The following DLG3 variants were observed in gnomAD, a reference collection of about 807,000 sequenced individuals.
The protein encoded by DLG3 is disks large homolog 3.
DLG3 carries 1 observed loss-of-function variant against 64.1 expected under a neutral mutation model. The observed-to-expected ratio is 0.02, with a 90% CI of 0.01 to 0.07. The LOEUF (loss-of-function observed/expected upper bound fraction) is 0.07, where lower values mean the gene tolerates loss of function less well. Among genes scored for constraint, DLG3 ranks in the 10% least tolerant of loss-of-function variants. DLG3 has a pLI of 1.00. For missense variants in DLG3, 429 were observed against 669.5 expected (o/e 0.64, Z 3.96); for synonymous variants, 245 against 259.8 (o/e 0.94, Z 0.55).
At position 70,449,675 on chromosome X, in the gene DLG3, G is replaced by C; in HGVS notation, c.534-15G>C. ...GTAGGGGCACAGTGTCATGCCTCTC[G>C]GGCTTCCCCCACAGGGTGAATGACT... On this transcript the variant is annotated splice_polypyrimidine_tract_variant and intron_variant, in intron 3 of 18. Coordinates refer to ENST00000374360, the MANE Select transcript of DLG3 (RefSeq NM_021120.4). The C allele has an allele frequency of 2.5e-6, 3 of 1,209,581 alleles. No individual in the cohort carries two copies. Among genetic ancestry groups the C allele is most frequent in the Non-Finnish European group, 3.4e-6 (3 of 894,991 alleles).
chrX:70,479,511 A>C (rs1441554870), intron 10 of DLG3, among the ~76,000 whole-genome samples: 1 of 112,192 alleles, frequency 8.9e-6, no homozygotes, highest in Non-Finnish European at 1.9e-5. Flanking sequence ...ATTGTAAAAG[A>C]CTGTTGGGTG....
At chrX:70,463,235 C>T (rs1278364289) in intron 9 of DLG3, among the ~76,000 whole-genome samples, 1 of 111,703 alleles carries the variant, frequency 9.0e-6, no homozygotes, top group Admixed American at 9.6e-5. Context: ...GCAACCTCTG[C>T]CTCCTGGGTT....
Position 70,455,139 on chromosome X carries a change from C to T in DLG3, c.1405+823C>T. On this transcript the variant is annotated intron_variant, in intron 9 of 18. Transcript: ENST00000374360. ...CGTCTCCTCCTCCTCCCTCCTTCCCCCTCCTCTCTCCTCCCCTCCTCCCGC... is the reference window on the plus strand; with the variant it reads ...CGTCTCCTCCTCCTCCCTCCTTCCCTCTCCTCTCTCCTCCCCTCCTCCCGC... 4 of 746,766 alleles carry T rather than the reference C, an allele frequency of 5.4e-6. No individual in the cohort carries two copies. In the South Asian group the frequency reaches 2.0e-4, roughly 38 times the overall value. 61.5% of individuals were successfully genotyped at this position (746,766 alleles called of 1,213,427 possible). A position where few individuals can be genotyped will look rare whatever the true frequency, so the allele number is the denominator to read the frequency against.
chrX:70,454,125 T>G (rs937183171), intron 8 of DLG3, 89 bp from the exon 9 acceptor site: 10 of 808,752 alleles, frequency 1.2e-5, no homozygotes, highest in Admixed American at 1.0e-4. Flanking sequence ...GGCTTAGGGG[T>G]GGGGTACCCA....
rs1555961844 is a variant in DLG3 at position 70,453,663 on chromosome X, A to G, written c.1172A>G (p.Lys391Arg). 2.5e-6 allele frequency: 3 copies of G among 1,209,393 alleles called. No individual in the cohort carries two copies. Among genetic ancestry groups the G allele is most frequent in the Non-Finnish European group, 2.2e-6 (2 of 894,207 alleles). Residue 391 changes from lysine to arginine, a missense_variant, in exon 8 of 19, where the codon AAA (lysine) becomes AGA (arginine). Lys to Arg is a conservative substitution (Grantham distance 26). Around this residue, in one of 9 missense-constraint regions of DLG3, gnomAD observed 7 missense variants for 32.0 expected, o/e 0.22. Coordinates refer to ENST00000374360, the MANE Select transcript of DLG3 (RefSeq NM_021120.4). The part of the protein sequence containing the change: ...TREPRKIILH[K>R]GSTGLGFNIV... Reference sequence around the variant, plus strand: ...GAGCCTCGCAAGATCATCCTGCACAAAGGCTCCACAGGCCTGGGCTTCAAC... The same window carrying G: ...GAGCCTCGCAAGATCATCCTGCACAGAGGCTCCACAGGCCTGGGCTTCAAC...
intron 9 of DLG3, among the ~76,000 whole-genome samples, chrX:70,458,453 TTTTATTTGTTAA>T (rs1397870792): frequency 9.0e-6 from 1 of 111,692 alleles, no homozygotes; most frequent in Non-Finnish European, 1.9e-5. Context: ...GAGATTCTTT[TTTTATTTGTTAA>T]TTTATTTGTA....
chrX:70,499,380 G>A (rs997659703), intron 15 of DLG3, 103 bp downstream of exon 15: 2 of 619,460 alleles, frequency 3.2e-6, no homozygotes, highest in Non-Finnish European at 5.3e-6. Context: ...AGGGCTATTT[G>A]GGGACAGGGT....
chrX:70,500,948 A>G lies in DLG3; in HGVS notation c.2306A>G (p.Lys769Arg), dbSNP rs1186640748. 8.3e-7 allele frequency: 1 copy of G among 1,203,333 alleles called. No individual in the cohort carries two copies. The highest frequency in any genetic ancestry group is 1.1e-6 in the Non-Finnish European group (1 of 890,948). The change falls in exon 18 of 19, where the codon AAA becomes AGA. Residue 769 changes from lysine (K) to arginine (R), a missense_variant. Physicochemically the swap from Lys to Arg is conservative, Grantham distance 26. Transcript: ENST00000374360. ...TYEQANKIYD[K>R]AMKLEQEFGE... ...GAACAAGCAAATAAGATCTATGACA[A>G]AGCCATGAAACTGGAGCAGGAATTT... is the stretch of plus-strand genomic sequence containing the variant.
intron 18 of DLG3, among the ~76,000 whole-genome samples, chrX:70,501,460 C>G (rs767141816): frequency 1.2e-5 from 1 of 85,834 alleles, no homozygotes; most frequent in Admixed American, 1.2e-4. Context: ...GTTCCTGAAA[C>G]ATTGGGAAGG....
chrX:70,454,068 C>T, intron 8 of DLG3, 146 bp from the exon 9 acceptor site: 1 of 526,717 alleles, frequency 1.9e-6, no homozygotes, highest in South Asian at 3.1e-5. Flanking sequence ...ATCCTTTAGG[C>T]CTTGTTTTAG....
At chrX:70,476,199 G>T (rs993727070) in intron 9 of DLG3, among the ~76,000 whole-genome samples, 1 of 112,206 alleles carries the variant, frequency 8.9e-6, no homozygotes, top group Non-Finnish European at 1.9e-5. Context: ...AGAGGGCGAT[G>T]ACTGGATATC....
At chrX:70,459,343 A>G (rs1178914450) in intron 9 of DLG3, among the ~76,000 whole-genome samples, 1 of 112,712 alleles carries the variant, frequency 8.9e-6, no homozygotes, top group Non-Finnish European at 1.9e-5. Flanking sequence ...TGGAAGAGTT[A>G]GAAATCAGTG....
At chrX:70,468,718 C>T (rs2086923388) in intron 9 of DLG3, among the ~76,000 whole-genome samples, 1 of 111,862 alleles carries the variant, frequency 8.9e-6, no homozygotes, top group African/African-American at 3.2e-5. Flanking sequence ...TTTCTGCCCT[C>T]TCACATAGCC....
chrX:70,486,208 C>T (rs948963894), intron 10 of DLG3, among the ~76,000 whole-genome samples: 1 of 111,675 alleles, frequency 9.0e-6, no homozygotes, highest in African/African-American at 3.3e-5. Context: ...TCTGGCCTGG[C>T]GTTGATGTTT....
chrX:70,489,795 A>G (rs1226311318), intron 10 of DLG3, among the ~76,000 whole-genome samples: 1 of 112,002 alleles, frequency 8.9e-6, no homozygotes, highest in Admixed American at 9.5e-5. Context: ...TAAACTTACA[A>G]CCAGTAAACT....
At chrX:70,445,676 C>T (rs958433176) in intron 1 of DLG3, 118 bp downstream of exon 1, 3 of 672,466 alleles carry the variant, frequency 4.5e-6, no homozygotes, top group African/African-American at 4.4e-5. Context: ...ACCCCGAGCC[C>T]TAGCATTGCA....
chrX:70,446,426 G>T (rs1234376087), intron 1 of DLG3, among the ~76,000 whole-genome samples: 1 of 108,569 alleles, frequency 9.2e-6, no homozygotes, highest in Non-Finnish European at 1.9e-5. Context: ...CCGGGGTGGG[G>T]TGGCGGGGGG....
chrX:70,492,891 C>T (rs893712426), intron 12 of DLG3, among the ~76,000 whole-genome samples: 1 of 111,710 alleles, frequency 9.0e-6, no homozygotes, highest in Non-Finnish European at 1.9e-5. Context: ...TGGGTGTCTC[C>T]CTGGCTATAG....
rs1414975107 is a variant in DLG3 at position 70,504,578 on chromosome X, C to G, written c.*2309C>G. On this transcript the variant is annotated 3_prime_UTR_variant, in exon 19 of 19. Coordinates refer to ENST00000374360, the MANE Select transcript of DLG3 (RefSeq NM_021120.4). ...TGTGCTTGGTCTTCCACCCCAGCCC[C>G]AGACACTGCTTCAAATAGCACCAAC... The G allele has an allele frequency of 8.9e-6, 1 of 111,845 alleles. No individual in the cohort carries two copies. Among genetic ancestry groups the G allele is most frequent in the Non-Finnish European group, 1.9e-5 (1 of 53,155 alleles). The allele number at this position is 111,845 out of a possible 1,213,427, so 9.2% of individuals were successfully genotyped here.
Sources: gnomAD v4.1 joint callset for allele counts (sites outside exome capture counted in the v4.1 genomes callset) on GRCh38, gnomAD v4.1.1 for gene constraint, gnomAD v4.1.1 regional missense constraint, MANE v1.5 for transcripts, NCBI Gene and HGNC (gene_info 2026-07-23, HGNC 2026-07-21) for gene names.